IFT80: variants seen among roughly 807,000 people sequenced by gnomAD.
IFT80 encodes intraflagellar transport 80.
In IFT80, 79 loss-of-function variants were observed where a neutral mutation model predicts 107.9. That is an observed-to-expected ratio of 0.73 (90% CI 0.61 to 0.88). The LOEUF (loss-of-function observed/expected upper bound fraction) is 0.88. IFT80 is among the 40% of genes least tolerant of loss of function. IFT80 has a pLI of 0.00. For synonymous variants in IFT80, 299 were observed against 300.9 expected (o/e 0.99, Z 0.07); for missense variants, 797 against 914.2 (o/e 0.87, Z 1.65).
At chr3:160,351,097 T>C (rs1384422344) in intron 8 of IFT80, among the ~76,000 whole-genome samples, 2 of 151,956 alleles carry the variant, frequency 1.3e-5, no homozygotes, top group African/African-American at 4.8e-5. Context: ...TCACCACTTA[T>C]GACTAAATCA....
At position 160,331,421 on chromosome 3, in the gene IFT80, A is replaced by G. The variant is rs184810648; in HGVS notation, c.778-11482T>C. Among the ~76,000 whole-genome samples, 6 of 152,342 alleles carry G rather than the reference A, an allele frequency of 3.9e-5. No homozygotes were observed. In the East Asian group the frequency reaches 1.2e-3, roughly 29 times the overall value. On this transcript the variant is annotated intron_variant, in intron 8 of 19. Transcript: ENST00000326448. ...AATTTCCCTTTAATATTTTCAGATC[A>G]TGGTTGACCATAGGTAACTGAAAAA...
intron 8 of IFT80, among the ~76,000 whole-genome samples, chr3:160,339,592 A>G (rs1292168433): frequency 1.3e-5 from 2 of 151,876 alleles, no homozygotes; most frequent in African/African-American, 4.9e-5. Flanking sequence ...TGCAGCTAAC[A>G]CAGTTTTCTT....
chr3:160,342,151 A>T (rs758483761), intron 8 of IFT80, among the ~76,000 whole-genome samples: 1 of 152,164 alleles, frequency 6.6e-6, no homozygotes, highest in Non-Finnish European at 1.5e-5. Context: ...GGTATCATAG[A>T]ATCGTGGAGT....
chr3:160,384,486 A>G lies in IFT80; in HGVS notation c.37+78T>C. ...GAAAAAAAAAATCTATTCTTCAACT[A>G]GGATATAAAATAGAGAAACTTTTAA... is the stretch of plus-strand genomic sequence containing the variant. On this transcript the variant is annotated intron_variant, in intron 2 of 19. Transcript: ENST00000326448. 3 of 1,361,328 alleles carry G rather than the reference A, an allele frequency of 2.2e-6. No homozygotes were observed. The South Asian group carries it at 4.7e-5, about 22-fold the overall frequency. The allele number at this position is 1,361,328 out of a possible 1,614,324, so 84.3% of individuals were successfully genotyped here. A position where few individuals can be genotyped will look rare whatever the true frequency, so the allele number is the denominator to read the frequency against.
At chr3:160,343,427 G>A (rs1274626753) in intron 8 of IFT80, among the ~76,000 whole-genome samples, 1 of 151,996 alleles carries the variant, frequency 6.6e-6, no homozygotes, top group African/African-American at 2.4e-5. Context: ...TTTCCCCTTG[G>A]ATGCTATTGT....
rs1250580795 is a variant in IFT80, at chr3:160,271,548, G to A, written c.2100-3012C>T. 6.6e-5 allele frequency among the ~76,000 whole-genome samples: 10 copies of A among 152,182 alleles called. No individual in the cohort carries two copies. In the South Asian group the frequency reaches 1.0e-3, roughly 16 times the overall value. ...TACTACCAAATGTCCAAAGTGGATA[G>A]CAAACAGATAACTTGCTTACCTATA... On this transcript the variant is annotated intron_variant, in intron 18 of 19. Coordinates refer to ENST00000326448, the MANE Select transcript of IFT80 (RefSeq NM_020800.3).
intron 1 of IFT80, among the ~76,000 whole-genome samples, chr3:160,390,731 G>A (rs760950216): frequency 6.6e-6 from 1 of 152,126 alleles, no homozygotes; most frequent in Non-Finnish European, 1.5e-5. Flanking sequence ...CTTGAAACTA[G>A]GTGTGGCCAC....
chr3:160,380,814 G>A (rs999581792), intron 3 of IFT80, among the ~76,000 whole-genome samples: 2 of 152,080 alleles, frequency 1.3e-5, no homozygotes, highest in Non-Finnish European at 2.9e-5. Context: ...AATAAAGTAT[G>A]TATTTTAACA....
chr3:160,329,958 C>CT (rs1718972621), intron 8 of IFT80, among the ~76,000 whole-genome samples: 1 of 152,124 alleles, frequency 6.6e-6, no homozygotes. Context: ...CAGACTCTCA[C>CT]TTTAAGATGT....
intron 7 of IFT80, among the ~76,000 whole-genome samples, chr3:160,356,748 T>C (rs1233679694): frequency 2.0e-5 from 3 of 152,188 alleles, no homozygotes; most frequent in Non-Finnish European, 4.4e-5. Context: ...CTCCAACTCC[T>C]GGTCTCAAGT....
chr3:160,327,047 C>T (rs1718723165), intron 8 of IFT80, among the ~76,000 whole-genome samples: 1 of 151,950 alleles, frequency 6.6e-6, no homozygotes, highest in African/African-American at 2.4e-5. Flanking sequence ...AAGCAGAGAG[C>T]CAAATCATGA....
intron 1 of IFT80, among the ~76,000 whole-genome samples, chr3:160,390,417 C>CAAAAAAAAAAAAAAAAA (rs1289410578): frequency 9.2e-6 from 1 of 108,312 alleles, no homozygotes; most frequent in African/African-American, 3.3e-5. Flanking sequence ...AATTCCGTCT[C>CAAAAAAAAAAAAAAAAA]AAAAAAAAAA....
Position 160,381,206 on chromosome 3 carries a change from T to C in IFT80, c.259+297A>G, listed in dbSNP as rs1410953599. On this transcript the variant is annotated intron_variant, in intron 3 of 19. Transcript: ENST00000326448. ...GAGCTATGATCACACCACTGCACTCTGGCCTGGGCAACAGAGTGAGACCCC... is the reference window on the plus strand; with the variant it reads ...GAGCTATGATCACACCACTGCACTCCGGCCTGGGCAACAGAGTGAGACCCC... 3.7e-5 allele frequency among the ~76,000 whole-genome samples: 5 copies of C among 136,060 alleles called. No individual in the cohort carries two copies. In the East Asian group the frequency reaches 1.0e-3, roughly 28 times the overall value. The allele number at this position is 136,060 out of a possible 152,430, so 89.3% of individuals were successfully genotyped here. A position where few individuals can be genotyped will look rare whatever the true frequency, so the allele number is the denominator to read the frequency against.
intron 15 of IFT80, 111 bp from the exon 16 acceptor site, chr3:160,279,475 C>A: frequency 1.2e-6 from 1 of 814,110 alleles, no homozygotes. Context: ...TCTCCAATCT[C>A]CAAAAGGCAC....
chr3:160,332,961 G>A (rs899087233), intron 8 of IFT80, among the ~76,000 whole-genome samples: 1 of 152,126 alleles, frequency 6.6e-6, no homozygotes, highest in Non-Finnish European at 1.5e-5. Context: ...GGGCTATTAG[G>A]TGATTTCATC....
At chr3:160,347,121 AC>A (rs1462211763) in intron 8 of IFT80, among the ~76,000 whole-genome samples, 1 of 152,038 alleles carries the variant, frequency 6.6e-6, no homozygotes, top group Non-Finnish European at 1.5e-5. Flanking sequence ...CATATTGTGT[AC>A]CCTGCCCCAC....
chr3:160,274,003 C>G (rs569673973), intron 18 of IFT80, among the ~76,000 whole-genome samples: 15 of 152,262 alleles, frequency 9.9e-5, no homozygotes, highest in African/African-American at 3.6e-4. Context: ...TGTTTTCCCT[C>G]TCCCTGAGAT....
chr3:160,295,055 G>A (rs1959281), intron 12 of IFT80, among the ~76,000 whole-genome samples: 1 of 152,184 alleles, frequency 6.6e-6, no homozygotes, highest in East Asian at 1.9e-4. Flanking sequence ...ATTTTCCAAA[G>A]ATAATCAAGA....
At chr3:160,393,398 G>A (rs1713530912) in intron 1 of IFT80, among the ~76,000 whole-genome samples, 1 of 152,172 alleles carries the variant, frequency 6.6e-6, no homozygotes, top group African/African-American at 2.4e-5. Context: ...TAAGCATTAT[G>A]CTAATTGAAA....
Sources: allele counts gnomAD v4.1 joint callset (sites outside exome capture counted in the v4.1 genomes callset), GRCh38; gene constraint gnomAD v4.1.1; transcripts MANE v1.5; gene names NCBI Gene and HGNC (gene_info 2026-07-23, HGNC 2026-07-21).